DNM3: variants seen among roughly 807,000 people sequenced by gnomAD.
DNM3 encodes the protein dynamin 3.
Under a neutral mutation model 101.6 loss-of-function variants are expected in DNM3, and 47 were observed. The ratio of observed to expected loss-of-function variants is 0.46; its 90% CI spans 0.37 to 0.59. The LOEUF is 0.59. Among genes scored for constraint, DNM3 ranks in the 20% least tolerant of loss-of-function variants. The pLI, the probability that DNM3 is intolerant of heterozygous loss-of-function variation, is 0.00. For missense variants in DNM3, 849 were observed against 1,085.7 expected (o/e 0.78, Z 3.06); for synonymous variants, 385 against 387.9 (o/e 0.99, Z 0.09).
At chr1:172,145,072 AAG>A (rs1491033429) in intron 14 of DNM3, among the ~76,000 whole-genome samples, 1 of 152,126 alleles carries the variant, frequency 6.6e-6, no homozygotes, top group African/African-American at 2.4e-5. Flanking sequence ...GTAAAAAAAA[AAG>A]AGTCAAGATG....
intron 14 of DNM3, among the ~76,000 whole-genome samples, chr1:172,216,740 TACAC>T (rs931201891): frequency 1.3e-5 from 2 of 150,374 alleles, no homozygotes; most frequent in African/African-American, 5.0e-5. Context: ...GTAGAGGGAA[TACAC>T]ACACACACAT....
chr1:172,015,087 T>C (rs2047367041), intron 4 of DNM3, among the ~76,000 whole-genome samples: 1 of 152,176 alleles, frequency 6.6e-6, no homozygotes, highest in Non-Finnish European at 1.5e-5. Flanking sequence ...CTGTTGACTG[T>C]ATTTATATGG....
chr1:171,996,949 C>G (rs1315211523), intron 4 of DNM3, among the ~76,000 whole-genome samples: 5 of 151,862 alleles, frequency 3.3e-5, no homozygotes, highest in Non-Finnish European at 7.4e-5. Flanking sequence ...GGAGGATTAC[C>G]TGAGCCCAGG....
At chr1:172,205,879 T>C (rs1381117149) in intron 14 of DNM3, among the ~76,000 whole-genome samples, 1 of 152,126 alleles carries the variant, frequency 6.6e-6, no homozygotes, top group African/African-American at 2.4e-5. Context: ...ACCCTACCAA[T>C]TAACTTTTCA....
chr1:171,857,837 T>G (rs988535037), intron 1 of DNM3, among the ~76,000 whole-genome samples: 1 of 152,098 alleles, frequency 6.6e-6, no homozygotes, highest in African/African-American at 2.4e-5. Context: ...AGGAGGTAAT[T>G]AAGATTAAAG....
chr1:171,841,754 A>G lies in DNM3; in HGVS notation c.98A>G (p.Gln33Arg). The G allele has an allele frequency of 1.2e-6, 2 of 1,610,752 alleles. No individual in the cohort carries two copies. The highest frequency in any genetic ancestry group is 1.7e-6 in the Non-Finnish European group (2 of 1,179,296). Residue 33 changes from glutamine to arginine, a missense_variant, in exon 1 of 21, where the codon CAG (glutamine) becomes CGG (arginine). Physicochemically the swap from Gln to Arg is conservative, Grantham distance 43 (BLOSUM62 1). This residue lies in a region of DNM3 where 388 missense variants were observed against 483.0 expected (regional missense o/e 0.80). Coordinates refer to ENST00000627582, the MANE Select transcript of DNM3 (RefSeq NM_015569.5). ...CAGAGCTGCCTGCTGGAGCTGCCGC[A>G]GATCGCCGTGGTGGGCGGCCAGAGC... ...LGQSCLLELP[Q>R]IAVVGGQSAG...
chr1:172,259,638 A>G (rs553843788), intron 15 of DNM3, among the ~76,000 whole-genome samples: 1 of 152,046 alleles, frequency 6.6e-6, no homozygotes, highest in Non-Finnish European at 1.5e-5. Flanking sequence ...ATATGTCTTT[A>G]TAGGTGAGAA....
At chr1:172,277,651 T>C (rs1415305949) in intron 15 of DNM3, among the ~76,000 whole-genome samples, 1 of 152,026 alleles carries the variant, frequency 6.6e-6, no homozygotes, top group African/African-American at 2.4e-5. Flanking sequence ...AGGTGTAATA[T>C]AACCAGAAAA....
chr1:172,218,031 G>A (rs943710966), intron 14 of DNM3, among the ~76,000 whole-genome samples: 2 of 152,110 alleles, frequency 1.3e-5, no homozygotes, highest in African/African-American at 4.8e-5. Context: ...ATAGATTATG[G>A]TCTATAGAAT....
intron 1 of DNM3, among the ~76,000 whole-genome samples, chr1:171,883,364 CA>C (rs2036462495): frequency 1.3e-3 from 3 of 2,290 alleles, no homozygotes; most frequent in Non-Finnish European, 3.3e-3. Context: ...AAAAAAGGAC[CA>C]CACACACACA....
chr1:171,852,136 T>G (rs1313100010), intron 1 of DNM3, among the ~76,000 whole-genome samples: 3 of 152,246 alleles, frequency 2.0e-5, no homozygotes, highest in Non-Finnish European at 2.9e-5. Context: ...GATATGTACA[T>G]GTAATACAAA....
chr1:171,961,080 T>A (rs1558331638), intron 2 of DNM3, among the ~76,000 whole-genome samples: 1 of 152,170 alleles, frequency 6.6e-6, no homozygotes, highest in African/African-American at 2.4e-5. Flanking sequence ...AAAGATGCAC[T>A]ACACTGTTCT....
intron 1 of DNM3, among the ~76,000 whole-genome samples, chr1:171,859,627 G>A (rs2033971458): frequency 6.6e-6 from 1 of 152,128 alleles, no homozygotes; most frequent in African/African-American, 2.4e-5. Flanking sequence ...ACAGTAATAA[G>A]TGAAAAAGCA....
intron 2 of DNM3, among the ~76,000 whole-genome samples, chr1:171,932,845 T>A (rs1426466000): frequency 6.6e-6 from 1 of 152,222 alleles, no homozygotes; most frequent in African/African-American, 2.4e-5. Flanking sequence ...TTGACTAGAA[T>A]ATTAATAAGT....
At chr1:172,362,371 C>A (rs1303496530) in intron 17 of DNM3, among the ~76,000 whole-genome samples, 10 of 151,824 alleles carry the variant, frequency 6.6e-5, no homozygotes, top group Non-Finnish European at 2.9e-5. Flanking sequence ...AAATATCAGG[C>A]AAAAGGGCAT....
rs2065142451 is a variant in DNM3 at position 172,312,905 on chromosome 1, C to A, written c.1881+4066C>A. On this transcript the variant is annotated intron_variant, in intron 16 of 20. Coordinates refer to ENST00000627582, the MANE Select transcript of DNM3 (RefSeq NM_015569.5). ...TTTATTCTCTTTCACCTTTCTGGATCCAAAGCAAAATGTAGAATTTTTGTC... is the reference window on the plus strand; with the variant it reads ...TTTATTCTCTTTCACCTTTCTGGATACAAAGCAAAATGTAGAATTTTTGTC... Among the ~76,000 whole-genome samples, 2 of 152,124 alleles carry A rather than the reference C, an allele frequency of 1.3e-5. 1 individual carries two copies. The highest frequency in any genetic ancestry group is 1.3e-4 in the Admixed American group (2 of 15,280).
chr1:172,120,267 A>T (rs2056224835), intron 13 of DNM3, among the ~76,000 whole-genome samples: 2 of 151,792 alleles, frequency 1.3e-5, no homozygotes, highest in Admixed American at 1.3e-4. Context: ...TGTGTAGGGG[A>T]CCTCCCCTTT....
chr1:172,242,216 T>C (rs1233853426), intron 14 of DNM3, among the ~76,000 whole-genome samples: 1 of 152,142 alleles, frequency 6.6e-6, no homozygotes, highest in Non-Finnish European at 1.5e-5. Context: ...CTGCTGGCGT[T>C]CTGGGGCAGG....
intron 15 of DNM3, among the ~76,000 whole-genome samples, chr1:172,291,113 C>G (rs2063896082): frequency 6.6e-6 from 1 of 152,106 alleles, no homozygotes; most frequent in South Asian, 2.1e-4. Flanking sequence ...TTACAGCCCT[C>G]ACTTGGGTGG....
Sources: gnomAD v4.1 joint callset for allele counts (sites outside exome capture counted in the v4.1 genomes callset) on GRCh38, gnomAD v4.1.1 for gene constraint, gnomAD v4.1.1 regional missense constraint, MANE v1.5 for transcripts, NCBI Gene and HGNC (gene_info 2026-07-23, HGNC 2026-07-21) for gene names.